Variants in BIRC3 observed in about 807,000 individuals in gnomAD.
BIRC3 encodes the protein baculoviral IAP repeat containing 3.
BIRC3 carries 26 observed loss-of-function variants against 59.0 expected under a neutral mutation model. That is an observed-to-expected ratio of 0.44 (90% CI 0.32 to 0.61). The LOEUF is 0.61. Ranked by LOEUF, BIRC3 falls within the 20% of genes least tolerant of loss-of-function variation. The pLI, the probability that BIRC3 is intolerant of heterozygous loss-of-function variation, is 0.04. For synonymous variants in BIRC3, 243 were observed against 249.2 expected (o/e 0.98, Z 0.24); for missense variants, 641 against 711.5 (o/e 0.90, Z 1.13).
At position 102,336,010 on chromosome 11, in the gene BIRC3, C is replaced by T. The variant is rs1356362773; in HGVS notation, c.1369C>T (p.His457Tyr). The T allele has an allele frequency of 6.2e-7, 1 of 1,612,222 alleles. No homozygotes were observed. The highest frequency in any genetic ancestry group is 1.7e-5 in the Admixed American group (1 of 59,814). Residue 457 changes from histidine (H) to tyrosine (Y), a missense_variant, in exon 7 of 9, where the codon CAT becomes TAT. By Grantham distance (83) the His-to-Tyr change is moderately conservative. Coordinates refer to ENST00000263464, the MANE Select transcript of BIRC3 (RefSeq NM_001165.5). Reference protein sequence around the residue: ...IRKNRMALFQHLTCVIPILDS... With the variant: ...IRKNRMALFQYLTCVIPILDS... ...GAAGAATAGAATGGCACTTTTTCAA[C>T]ATTTGACTTGTGTAATTCCAATCCT... is the stretch of plus-strand genomic sequence containing the variant.
At chr11:102,336,731 T>G in intron 7 of BIRC3, 29 bp from the exon 8 acceptor site, 1 of 1,590,384 alleles carries the variant, frequency 6.3e-7, no homozygotes, top group Non-Finnish European at 8.6e-7. Context: ...TTATTTGTCA[T>G]AGTAATGCTT....
chr11:102,321,521 A>AT (rs758095338), intron 1 of BIRC3, among the ~76,000 whole-genome samples: 125 of 152,152 alleles, frequency 8.2e-4, no homozygotes, highest in Admixed American at 1.6e-3. Flanking sequence ...CACCCAGCTA[A>AT]TTTTTGTATT....
intron 3 of BIRC3, 94 bp downstream of exon 3, chr11:102,325,659 T>C (rs1007539853): frequency 4.2e-6 from 5 of 1,183,152 alleles, no homozygotes; most frequent in Non-Finnish European, 5.9e-6. Context: ...TTTACTCTGT[T>C]CCAAATATAT....
At chr11:102,334,092 T>C (rs944357328) in intron 6 of BIRC3, among the ~76,000 whole-genome samples, 1 of 152,190 alleles carries the variant, frequency 6.6e-6, no homozygotes, top group African/African-American at 2.4e-5. Context: ...TCTTAAGAAC[T>C]TCAGAGAATG....
Position 102,323,098 on chromosome 11 carries a change from A to T in BIRC3, c.-1412A>T, listed in dbSNP as rs1951047293. On this transcript the variant is annotated 5_prime_UTR_variant, in exon 2 of 9. It removes an upstream start codon present in the reference 5' UTR. Coordinates refer to ENST00000263464, the MANE Select transcript of BIRC3 (RefSeq NM_001165.5). ...TAAATCCACTATCAGAGTAGATTTG[A>T]TGTTGGCTTCAGAAACATTTAGAAA... 1 of 198,410 alleles carries T rather than the reference A, an allele frequency of 5.0e-6. No individual in the cohort carries two copies. Among genetic ancestry groups the T allele is most frequent in the African/African-American group, 2.3e-5 (1 of 43,374 alleles). The allele number at this position is 198,410 out of a possible 1,614,324, so 12.3% of individuals were successfully genotyped here.
At chr11:102,319,823 T>A (rs1951012636) in intron 1 of BIRC3, 1 of 152,246 alleles carries the variant, frequency 6.6e-6, no homozygotes, top group Non-Finnish European at 1.5e-5. Flanking sequence ...AGGACAGAGG[T>A]TGAAGTGATC....
In BIRC3 at chr11:102,324,969, T is replaced by G; in HGVS notation, c.460T>G (p.Phe154Val). Residue 154 changes from phenylalanine (F) to valine (V), a missense_variant, in exon 2 of 9, where the codon TTT becomes GTT. Physicochemically the swap from Phe to Val is conservative, Grantham distance 50. Coordinates refer to ENST00000263464, the MANE Select transcript of BIRC3 (RefSeq NM_001165.5). ...TGTAAACTCCAGAGCAAATCAAGAT[T>G]TTTCTGCCTTGATGAGAAGTTCCTA... ...NPVNSRANQDFSALMRSSYHC... is the reference protein window; with the variant it reads ...NPVNSRANQDVSALMRSSYHC... 6.2e-7 allele frequency: 1 copy of G among 1,614,186 alleles called. No individual in the cohort carries two copies. Among genetic ancestry groups the G allele is most frequent in the South Asian group, 1.1e-5 (1 of 91,088 alleles).
intron 6 of BIRC3, among the ~76,000 whole-genome samples, chr11:102,333,640 G>A (rs1416132844): frequency 1.3e-5 from 2 of 152,000 alleles, no homozygotes; most frequent in African/African-American, 4.8e-5. Flanking sequence ...CAACTACTCA[G>A]GAGGCTCAGG....
chr11:102,328,158 G>A, intron 4 of BIRC3, 28 bp downstream of exon 4: 2 of 1,569,064 alleles, frequency 1.3e-6, no homozygotes, highest in East Asian at 2.3e-5. Flanking sequence ...TTTAAATATT[G>A]GTTGCCATCA....
chr11:102,336,561 T>C (rs1003350340), intron 7 of BIRC3, 199 bp from the exon 8 acceptor site: 21 of 613,688 alleles, frequency 3.4e-5, no homozygotes, highest in Non-Finnish European at 5.2e-5. Flanking sequence ...GCCACTGCAC[T>C]CCAGCTTGGG....
In BIRC3 at chr11:102,335,431, A is replaced by T. The variant is rs150166167; in HGVS notation, c.1325-535A>T. On this transcript the variant is annotated intron_variant, in intron 6 of 8. Coordinates refer to ENST00000263464, the MANE Select transcript of BIRC3 (RefSeq NM_001165.5). Reference sequence around the variant, plus strand: ...ATTGCCAAATGATTGAAAGCACAGTACATGACACCAGACTACCTCAGTTTG... The same window carrying T: ...ATTGCCAAATGATTGAAAGCACAGTTCATGACACCAGACTACCTCAGTTTG... 1.4e-4 allele frequency among the ~76,000 whole-genome samples: 21 copies of T among 152,318 alleles called. No individual in the cohort carries two copies. In the East Asian group the frequency reaches 3.9e-3, roughly 28 times the overall value.
intron 6 of BIRC3, among the ~76,000 whole-genome samples, chr11:102,333,740 T>TG (rs1951169188): frequency 1.3e-5 from 2 of 152,096 alleles, no homozygotes; most frequent in African/African-American, 4.8e-5. Context: ...AGCAAGACTC[T>TG]GTTTTAAAAA....
rs986657671 is a variant in BIRC3, at chr11:102,324,952, C to A, written c.443C>A (p.Ser148Tyr). 3.1e-6 allele frequency: 5 copies of A among 1,614,006 alleles called. No homozygotes were observed. In the Admixed American group the frequency reaches 6.7e-5, roughly 22 times the overall value. ...AACTCTCCATCAAATCCTGTAAACT[C>A]CAGAGCAAATCAAGATTTTTCTGCC... Reference protein sequence around the residue: ...YSNSPSNPVNSRANQDFSALM... With the variant: ...YSNSPSNPVNYRANQDFSALM... Residue 148 changes from serine (S) to tyrosine (Y), a missense_variant, in exon 2 of 9, where the codon TCC becomes TAC. Ser to Tyr is a moderately radical substitution (Grantham distance 144). Coordinates refer to ENST00000263464, the MANE Select transcript of BIRC3 (RefSeq NM_001165.5).
At chr11:102,334,702 A>G (rs534603570) in intron 6 of BIRC3, among the ~76,000 whole-genome samples, 3 of 152,328 alleles carry the variant, frequency 2.0e-5, no homozygotes, top group East Asian at 3.9e-4. Context: ...CATAAGTTAT[A>G]TTCCAAAGAG....
chr11:102,322,596 T>C lies in BIRC3; in HGVS notation c.-1914T>C, dbSNP rs369139094. On this transcript the variant is annotated 5_prime_UTR_variant, in exon 2 of 9. Coordinates refer to ENST00000263464, the MANE Select transcript of BIRC3 (RefSeq NM_001165.5). ...CAAAGAAGATTTTTATAACAATGTG[T>C]AAAATTTTTGGCCAGGGAAAGGAAT... The C allele has an allele frequency of 1.7e-4, 36 of 206,266 alleles. No individual in the cohort carries two copies. In the East Asian group the frequency reaches 2.2e-3, roughly 13 times the overall value. 12.8% of individuals were successfully genotyped at this position (206,266 alleles called of 1,614,324 possible). A position where few individuals can be genotyped will look rare whatever the true frequency, so the allele number is the denominator to read the frequency against.
At position 102,324,770 on chromosome 11, in the gene BIRC3, A is replaced by G. The variant is rs7930386; in HGVS notation, c.261A>G (p.Lys87=). The change falls in exon 2 of 9, where the codon AAA becomes AAG. Residue 87 remains lysine, a synonymous_variant. Coordinates refer to ENST00000263464, the MANE Select transcript of BIRC3 (RefSeq NM_001165.5). The stretch of plus-strand genomic sequence containing the variant: ...GAGACAGTCCTACTGAAAAGCATAA[A>G]AAGTTGTATCCTAGCTGCAGATTCG... The part of the protein sequence containing the change: ...KRGDSPTEKH[K]KLYPSCRFVQ... The G allele has an allele frequency of 2.2e-3, 3,500 of 1,614,138 alleles. 66 individuals carry two copies. The African/African-American group carries it at 0.041, about 19-fold the overall frequency.
intron 1 of BIRC3, among the ~76,000 whole-genome samples, chr11:102,317,923 G>A (rs186047838): frequency 1.3e-5 from 2 of 152,330 alleles, no homozygotes; most frequent in African/African-American, 2.4e-5. Context: ...CTAAGGCAGA[G>A]CTCTGGCACA....
intron 1 of BIRC3, among the ~76,000 whole-genome samples, chr11:102,318,093 G>A (rs1230114232): frequency 6.6e-6 from 1 of 152,084 alleles, no homozygotes; most frequent in Non-Finnish European, 1.5e-5. Context: ...TGATGCTAAC[G>A]TAACAATAAT....
rs1951223398 is a variant in BIRC3 at position 102,338,623 on chromosome 11, C to A, written c.*1521C>A. ...CCTGTCTGTTCAGATTATTCTTGGTCTCTGTGCAGCATTCCTTCCTCCTGG... is the reference window on the plus strand; with the variant it reads ...CCTGTCTGTTCAGATTATTCTTGGTATCTGTGCAGCATTCCTTCCTCCTGG... On this transcript the variant is annotated 3_prime_UTR_variant, in exon 9 of 9. Transcript: ENST00000263464. 1.3e-5 allele frequency: 3 copies of A among 228,968 alleles called. No homozygotes were observed. Among genetic ancestry groups the A allele is most frequent in the African/African-American group, 6.7e-5 (3 of 45,106 alleles). The allele number at this position is 228,968 out of a possible 1,614,324, so 14.2% of individuals were successfully genotyped here. A position where few individuals can be genotyped will look rare whatever the true frequency, so the allele number is the denominator to read the frequency against.
Sources: allele counts gnomAD v4.1 joint callset (sites outside exome capture counted in the v4.1 genomes callset), GRCh38; gene constraint gnomAD v4.1.1; transcripts MANE v1.5; gene names NCBI Gene and HGNC (gene_info 2026-07-23, HGNC 2026-07-21).